The following VWA8 variants were observed in gnomAD, a reference collection of about 807,000 sequenced individuals.
The protein encoded by VWA8 is von Willebrand factor A domain-containing protein 8.
Under a neutral mutation model 241.5 loss-of-function variants are expected in VWA8, and 221 were observed. That is an observed-to-expected ratio of 0.91 (90% CI 0.82 to 1.02). The LOEUF is 1.02. Among genes scored for constraint, VWA8 ranks in the 50% least tolerant of loss-of-function variants. The pLI, the probability that VWA8 is intolerant of heterozygous loss-of-function variation, is 0.00. For synonymous variants in VWA8, 852 were observed against 827.1 expected, an observed-to-expected ratio of 1.03 and a Z score of -0.52; for missense variants, 2,322 against 2,328.7, an observed-to-expected ratio of 1.00 and a Z score of 0.06.
Position 41,885,930 on chromosome 13 carries a change from A to C in VWA8, c.965T>G (p.Val322Gly). ...DFPLDSLAAA[V>G]QILDSFPMMP... ...ATTTATTTTACTTACCAAGATTTGA[A>C]CCGCAGCTGCTAAACTATCTAAAGG... The change falls in exon 8 of 45, where the codon GTT (valine) becomes GGT (glycine). Residue 322 changes from valine to glycine, a missense_variant. Transcript: ENST00000379310. 2 of 1,581,422 alleles carry C rather than the reference A, an allele frequency of 1.3e-6. No individual in the cohort carries two copies. The highest frequency in any genetic ancestry group is 2.4e-5 in the South Asian group (2 of 84,448).
intron 26 of VWA8, among the ~76,000 whole-genome samples, chr13:41,715,001 C>T (rs2045339500): frequency 1.3e-5 from 2 of 151,828 alleles, no homozygotes; most frequent in Admixed American, 6.6e-5. Context: ...TTATATCATC[C>T]TTAGAATTGG....
At chr13:41,695,893 ACT>A (rs1187793781) in intron 29 of VWA8, among the ~76,000 whole-genome samples, 1 of 152,122 alleles carries the variant, frequency 6.6e-6, no homozygotes, top group African/African-American at 2.4e-5. Flanking sequence ...AGGAAATAAA[ACT>A]CTTGCTGAGA....
Position 41,690,270 on chromosome 13 carries a change from T to C in VWA8, c.3872A>G (p.Tyr1291Cys), listed in dbSNP as rs779029050. The change falls in exon 33 of 45, where the codon TAT becomes TGT. Residue 1291 changes from tyrosine (Y) to cysteine (C), a missense_variant. Tyr to Cys is a radical substitution (Grantham distance 194). Coordinates refer to ENST00000379310, the MANE Select transcript of VWA8 (RefSeq NM_015058.2). The stretch of plus-strand genomic sequence containing the variant: ...GATGTGTGCAGGCTTAGTTAAAAGA[T>C]ATTTCCTGCAAACAAACAAAACATC... The part of the protein sequence containing the change: ...LLVESKTNQK[Y>C]LLTKPAHIES... The C allele has an allele frequency of 1.2e-6, 2 of 1,606,530 alleles. No individual in the cohort carries two copies. Among genetic ancestry groups the C allele is most frequent in the South Asian group, 1.1e-5 (1 of 89,680 alleles).
At chr13:41,726,549 A>G (rs1035204433) in intron 24 of VWA8, among the ~76,000 whole-genome samples, 2 of 152,178 alleles carry the variant, frequency 1.3e-5, no homozygotes, top group African/African-American at 4.8e-5. Flanking sequence ...GGATGTGACA[A>G]AAGTAAAACC....
chr13:41,740,570 G>A (rs1442449406), intron 21 of VWA8, among the ~76,000 whole-genome samples: 2 of 152,144 alleles, frequency 1.3e-5, no homozygotes, highest in East Asian at 3.8e-4. Flanking sequence ...TGGTATAAAT[G>A]CAATCGGTTT....
At chr13:41,854,321 TC>T (rs1277675558) in intron 12 of VWA8, among the ~76,000 whole-genome samples, 1 of 152,074 alleles carries the variant, frequency 6.6e-6, no homozygotes, top group African/African-American at 2.4e-5. Flanking sequence ...AGAAGAGCAT[TC>T]TGTTCCTGAC....
chr13:41,721,952 C>G (rs966472109), intron 24 of VWA8, among the ~76,000 whole-genome samples: 1 of 151,958 alleles, frequency 6.6e-6, no homozygotes, highest in African/African-American at 2.4e-5. Flanking sequence ...TGTATTAGCA[C>G]TTTTTTTAAA....
intron 3 of VWA8, among the ~76,000 whole-genome samples, chr13:41,909,105 T>C (rs949943238): frequency 5.3e-5 from 8 of 151,912 alleles, no homozygotes; most frequent in African/African-American, 1.9e-4. Flanking sequence ...CAGGCTGTTG[T>C]ACAGTGGTGC....
At chr13:41,940,228 T>C (rs1182576871) in intron 2 of VWA8, among the ~76,000 whole-genome samples, 1 of 152,128 alleles carries the variant, frequency 6.6e-6, no homozygotes, top group East Asian at 1.9e-4. Context: ...TTCTTCAATG[T>C]CTATCATTTT....
chr13:41,955,092 G>T (rs1248591373), intron 1 of VWA8, among the ~76,000 whole-genome samples: 1 of 151,996 alleles, frequency 6.6e-6, no homozygotes, highest in Non-Finnish European at 1.5e-5. Flanking sequence ...TTTTTCTTAA[G>T]TATTGTTTTT....
chr13:41,720,710 C>G (rs781530327), intron 25 of VWA8, among the ~76,000 whole-genome samples: 1 of 152,082 alleles, frequency 6.6e-6, no homozygotes, highest in Non-Finnish European at 1.5e-5. Context: ...TCTCCCTGCC[C>G]CACCTTTCTA....
intron 17 of VWA8, among the ~76,000 whole-genome samples, chr13:41,799,931 C>T (rs1477494600): frequency 6.6e-6 from 1 of 152,150 alleles, no homozygotes; most frequent in Non-Finnish European, 1.5e-5. Flanking sequence ...AGCAGTCACC[C>T]TCCCTTTCTA....
At chr13:41,637,460 GC>G (rs1170208934) in intron 37 of VWA8, among the ~76,000 whole-genome samples, 4 of 150,666 alleles carry the variant, frequency 2.7e-5, no homozygotes, top group Admixed American at 1.3e-4. Flanking sequence ...TATACCTAAT[GC>G]TAAATGACGA....
chr13:41,946,983 G>C (rs1043838063), intron 2 of VWA8, among the ~76,000 whole-genome samples: 8 of 152,176 alleles, frequency 5.3e-5, no homozygotes, highest in African/African-American at 1.9e-4. Flanking sequence ...CCCAGGTGAT[G>C]TCTGATCACC....
At position 41,866,347 on chromosome 13, in the gene VWA8, C is replaced by T. The variant is rs560235170; in HGVS notation, c.1213-311G>A. Among the ~76,000 whole-genome samples the T allele has an allele frequency of 7.6e-4, 110 of 145,132 alleles. 1 individual carries two copies. Among genetic ancestry groups the T allele is most frequent in the African/African-American group, 2.7e-3 (103 of 38,724 alleles). ...CTGGGCAACAGAGCGAGACTCTGTC[C>T]CAAAAAAAAAAATATATATATATAT... is the stretch of plus-strand genomic sequence containing the variant. On this transcript the variant is annotated intron_variant, in intron 10 of 44. Transcript: ENST00000379310.
At chr13:41,584,313 C>G (rs1489404742) in intron 42 of VWA8, among the ~76,000 whole-genome samples, 1 of 152,142 alleles carries the variant, frequency 6.6e-6, no homozygotes, top group East Asian at 1.9e-4. Context: ...GGAAAATCCA[C>G]CTGTGTCTGG....
intron 44 of VWA8, among the ~76,000 whole-genome samples, chr13:41,569,429 A>G (rs1216917838): frequency 6.6e-6 from 1 of 152,240 alleles, no homozygotes; most frequent in Non-Finnish European, 1.5e-5. Flanking sequence ...ACTTGTAAAA[A>G]CTAAGAAGAA....
chr13:41,873,247 A>G (rs1298613715), intron 9 of VWA8, among the ~76,000 whole-genome samples: 1 of 152,182 alleles, frequency 6.6e-6, no homozygotes, highest in African/African-American at 2.4e-5. Flanking sequence ...TCCAAAATTG[A>G]CACCCTAACA....
chr13:41,732,478 A>G lies in VWA8; in HGVS notation c.2427-323T>C, dbSNP rs1379508835. 2.7e-5 allele frequency among the ~76,000 whole-genome samples: 4 copies of G among 150,424 alleles called. No individual in the cohort carries two copies. The East Asian group carries it at 7.7e-4, about 29-fold the overall frequency. On this transcript the variant is annotated intron_variant, in intron 21 of 44. Coordinates refer to ENST00000379310, the MANE Select transcript of VWA8 (RefSeq NM_015058.2). ...TACCACCTGAGGGTGAAGACGAGAA[A>G]CTAAAAAATATATATATATATATGT...
Sources: allele counts gnomAD v4.1 joint callset (sites outside exome capture counted in the v4.1 genomes callset), GRCh38; gene constraint gnomAD v4.1.1; transcripts MANE v1.5; gene names NCBI Gene and HGNC (gene_info 2026-07-23, HGNC 2026-07-21).